The following MAP7D1 variants were observed in gnomAD, a reference collection of about 807,000 sequenced individuals.
The protein encoded by MAP7D1 is MAP7 domain containing 1.
MAP7D1 carries 30 observed loss-of-function variants against 97.5 expected under a neutral mutation model. The observed-to-expected ratio is 0.31, with a 90% CI of 0.23 to 0.42. The LOEUF (loss-of-function observed/expected upper bound fraction) is 0.42, where lower values mean the gene tolerates loss of function less well. Among genes scored for constraint, MAP7D1 ranks in the 10% least tolerant of loss-of-function variants. The pLI is 1.00. For synonymous variants in MAP7D1, 536 were observed against 477.1 expected (o/e 1.12, Z -1.61); for missense variants, 1,184 against 1,179.5 (o/e 1.00, Z -0.06).
chr1:36,176,241 A>G lies in MAP7D1; in HGVS notation c.893A>G (p.Asp298Gly). The change falls in exon 7 of 17, where the codon GAT (aspartate) becomes GGT (glycine). Residue 298 changes from aspartate to glycine, a missense_variant. Coordinates refer to ENST00000474796, the MANE Select transcript of MAP7D1 (RefSeq NM_001388490.1). The surrounding 1 kb of genome is among the most constrained non-coding windows in gnomAD (Gnocchi z 6.1). ...AGCGCATGGGAGAGCAGCATCGTGGATCGTCTGATGACGCCCACTCTCTCC... is the reference window on the plus strand; with the variant it reads ...AGCGCATGGGAGAGCAGCATCGTGGGTCGTCTGATGACGCCCACTCTCTCC... ...QLSAWESSIV[D>G]RLMTPTLSFL... is the part of the protein sequence containing the mutation. 3.7e-6 allele frequency: 6 copies of G among 1,608,518 alleles called. No individual in the cohort carries two copies. The highest frequency in any genetic ancestry group is 5.1e-6 in the Non-Finnish European group (6 of 1,179,280).
At chr1:36,172,337 C>T (rs1644556339) in intron 3 of MAP7D1, 127 bp from the exon 4 acceptor site, 2 of 937,038 alleles carry the variant, frequency 2.1e-6, no homozygotes, top group Non-Finnish European at 3.0e-6. Flanking sequence ...GAAAGCTCCA[C>T]CTAAGCAGGC....
intron 1 of MAP7D1, among the ~76,000 whole-genome samples, chr1:36,165,918 C>T (rs865970019): frequency 3.3e-5 from 5 of 151,882 alleles, no homozygotes; most frequent in Middle Eastern, 3.4e-3. Flanking sequence ...TTTTAGTAGA[C>T]GGGATTTCGC....
At chr1:36,168,066 G>T (rs956316044) in intron 1 of MAP7D1, among the ~76,000 whole-genome samples, 3 of 152,132 alleles carry the variant, frequency 2.0e-5, no homozygotes, top group African/African-American at 7.2e-5. Context: ...GGAGGCTGAG[G>T]AGGGCGGATC....
At chr1:36,168,227 A>G (rs916519489) in intron 1 of MAP7D1, among the ~76,000 whole-genome samples, 5 of 151,192 alleles carry the variant, frequency 3.3e-5, no homozygotes, top group Admixed American at 2.0e-4. Flanking sequence ...CCTGGGAGGC[A>G]GAGGTTGCAG....
intron 1 of MAP7D1, among the ~76,000 whole-genome samples, chr1:36,170,181 A>G (rs1426608162): frequency 6.6e-6 from 1 of 152,178 alleles, no homozygotes; most frequent in Non-Finnish European, 1.5e-5. Context: ...CTGTCTCTCA[A>G]TTGCCCCACA....
Position 36,161,655 on chromosome 1 carries a change from T to C in MAP7D1, c.46+5192T>C, listed in dbSNP as rs112288153. 1.8e-3 allele frequency among the ~76,000 whole-genome samples: 272 copies of C among 152,310 alleles called. 1 individual carries two copies. Among genetic ancestry groups the C allele is most frequent in the African/African-American group, 6.3e-3 (260 of 41,560 alleles). On this transcript the variant is annotated intron_variant, in intron 1 of 16. Transcript: ENST00000474796. The stretch of plus-strand genomic sequence containing the variant: ...CTGTTAATCGGACTTTCTCTGGGCC[T>C]AGGGAAATAATTTGCTCAGAAGGAG...
In MAP7D1 at chr1:36,176,131, C is replaced by T. The variant is rs1644615851; in HGVS notation, c.851-68C>T. ...TGGCATGGGGATGGTGCCTGGTCTG[C>T]TCCCTTGCCTCTTCCTGCCTCCTAC... On this transcript the variant is annotated intron_variant, in intron 6 of 16. Coordinates refer to ENST00000474796, the MANE Select transcript of MAP7D1 (RefSeq NM_001388490.1). This position sits in a 1 kb window ranked among gnomAD's most constrained non-coding sequence, Gnocchi z 6.1. The T allele has an allele frequency of 1.3e-6, 2 of 1,562,838 alleles. No homozygotes were observed. The highest frequency in any genetic ancestry group is 2.3e-5 in the East Asian group (1 of 42,778).
At chr1:36,156,760 C>T (rs908216983) in intron 1 of MAP7D1, among the ~76,000 whole-genome samples, 6 of 152,142 alleles carry the variant, frequency 3.9e-5, no homozygotes, top group Admixed American at 2.6e-4. Flanking sequence ...TCTCAGCTTC[C>T]CCGCCCCCAC....
Position 36,180,046 on chromosome 1 carries a change from G to C in MAP7D1, c.2491G>C (p.Val831Leu). Reference sequence around the variant, plus strand: ...AGAAGCCTTCCTCAAGAAAGCTGTGGTGCAGTCCCCGCAGGTCACAGGTAG... The same window carrying C: ...AGAAGCCTTCCTCAAGAAAGCTGTGCTGCAGTCCCCGCAGGTCACAGGTAG... The part of the protein sequence containing the change: ...EAEAFLKKAV[V>L]QSPQVTEVL The change falls in exon 16 of 17, where the codon GTG (valine) becomes CTG (leucine). Residue 831 changes from valine (V) to leucine (L), a missense_variant. Transcript: ENST00000474796. The C allele has an allele frequency of 6.2e-7, 1 of 1,614,030 alleles. No individual in the cohort carries two copies. The highest frequency in any genetic ancestry group is 8.5e-7 in the Non-Finnish European group (1 of 1,179,982).
chr1:36,172,260 G>A, intron 3 of MAP7D1: 1 of 440,098 alleles, frequency 2.3e-6, no homozygotes, highest in Non-Finnish European at 4.0e-6. Context: ...GCCAATGGAG[G>A]AGAAATAGGC....
intron 1 of MAP7D1, among the ~76,000 whole-genome samples, chr1:36,167,811 G>A (rs993698588): frequency 2.6e-5 from 4 of 152,162 alleles, no homozygotes; most frequent in African/African-American, 4.8e-5. Flanking sequence ...ACCTTGCTGG[G>A]GACTCACTGA....
intron 1 of MAP7D1, among the ~76,000 whole-genome samples, chr1:36,157,979 C>T (rs1044446415): frequency 1.3e-5 from 2 of 152,150 alleles, no homozygotes; most frequent in Admixed American, 1.3e-4. Context: ...TACTGGCCCT[C>T]TGCACCTGAG....
At chr1:36,172,205 T>C in intron 3 of MAP7D1, 1 of 326,100 alleles carries the variant, frequency 3.1e-6, no homozygotes, top group Non-Finnish European at 5.6e-6. Context: ...ATGGGGATCT[T>C]GCACTCAAGC....
intron 6 of MAP7D1, among the ~76,000 whole-genome samples, chr1:36,175,994 TG>T (rs1392454460): frequency 6.6e-6 from 1 of 152,208 alleles, no homozygotes; most frequent in Non-Finnish European, 1.5e-5. Flanking sequence ...GATGTTGCCC[TG>T]GGAAGTGTCT....
At chr1:36,174,828 G>T in intron 5 of MAP7D1, 70 bp from the exon 6 acceptor site, 1 of 749,008 alleles carries the variant, frequency 1.3e-6, no homozygotes. Context: ...CATCCTGCAT[G>T]GAAGGCCTCG....
At chr1:36,179,123 G>A in intron 12 of MAP7D1, 98 bp downstream of exon 12, 2 of 1,490,870 alleles carry the variant, frequency 1.3e-6, no homozygotes, top group Non-Finnish European at 1.8e-6. Context: ...GGAAAGCGCT[G>A]GGGCAAATTC....
intron 1 of MAP7D1, among the ~76,000 whole-genome samples, chr1:36,170,396 C>T (rs980903738): frequency 6.6e-6 from 1 of 152,224 alleles, no homozygotes; most frequent in African/African-American, 2.4e-5. Flanking sequence ...CTTGGTCAGT[C>T]CCATGTGCCC....
chr1:36,175,391 G>A (rs530709248), intron 6 of MAP7D1, among the ~76,000 whole-genome samples: 1 of 152,290 alleles, frequency 6.6e-6, no homozygotes, highest in South Asian at 2.1e-4. Flanking sequence ...TGTCAGACTG[G>A]CCTGGGTGCT....
chr1:36,179,431 C>G (rs1398477210), intron 13 of MAP7D1, 84 bp from the exon 14 acceptor site: 3 of 1,572,452 alleles, frequency 1.9e-6, no homozygotes, highest in South Asian at 1.1e-5. Flanking sequence ...CGCTGCGGCC[C>G]GGGCAAGGGG....
Sources: allele counts gnomAD v4.1 joint callset (sites outside exome capture counted in the v4.1 genomes callset), GRCh38; gene constraint gnomAD v4.1.1; non-coding constraint Gnocchi (gnomAD v3.1); transcripts MANE v1.5; gene names NCBI Gene and HGNC (gene_info 2026-07-23, HGNC 2026-07-21).